The following ADAMTS6 variants were observed in gnomAD, a reference collection of about 807,000 sequenced individuals.
ADAMTS6 encodes A disintegrin and metalloproteinase with thrombospondin motifs 6.
Under a neutral mutation model 144.3 loss-of-function variants are expected in ADAMTS6, and 23 were observed. The observed-to-expected ratio is 0.16, with a 90% CI of 0.11 to 0.23. The LOEUF is 0.23. Among genes scored for constraint, ADAMTS6 ranks in the 10% least tolerant of loss-of-function variants. The pLI, the probability that ADAMTS6 is intolerant of heterozygous loss-of-function variation, is 1.00. For missense variants in ADAMTS6, 999 were observed against 1,379.6 expected, an observed-to-expected ratio of 0.72 and a Z score of 4.37; for synonymous variants, 444 against 457.5, an observed-to-expected ratio of 0.97 and a Z score of 0.38.
intron 20 of ADAMTS6, among the ~76,000 whole-genome samples, chr5:65,200,470 C>T (rs752517354): frequency 6.6e-6 from 1 of 151,882 alleles, no homozygotes; most frequent in Non-Finnish European, 1.5e-5. Context: ...GATTTTAAAC[C>T]CGGTTGGGAA....
intron 15 of ADAMTS6, among the ~76,000 whole-genome samples, chr5:65,236,551 T>G (rs1004723707): frequency 1.3e-5 from 2 of 152,182 alleles, no homozygotes; most frequent in Non-Finnish European, 2.9e-5. Flanking sequence ...CCTCCCAAAG[T>G]GCTGAGATTA....
intron 7 of ADAMTS6, among the ~76,000 whole-genome samples, chr5:65,406,083 C>T (rs962357282): frequency 1.3e-5 from 2 of 152,060 alleles, no homozygotes; most frequent in African/African-American, 2.4e-5. Context: ...ACAATCATGT[C>T]ATCTGCAAAA....
chr5:65,313,293 T>C (rs528273831), intron 9 of ADAMTS6, among the ~76,000 whole-genome samples: 76 of 152,232 alleles, frequency 5.0e-4, no homozygotes, highest in Non-Finnish European at 8.7e-4. Context: ...ATAATTTAAT[T>C]GTTAGACTTT....
chr5:65,316,962 G>A (rs531322273), intron 9 of ADAMTS6, among the ~76,000 whole-genome samples: 15 of 152,014 alleles, frequency 9.9e-5, no homozygotes, highest in Admixed American at 9.8e-4. Flanking sequence ...CCATCAAGCC[G>A]GCTAATTTTT....
chr5:65,155,114 C>T (rs968973708), intron 24 of ADAMTS6, among the ~76,000 whole-genome samples: 1 of 152,172 alleles, frequency 6.6e-6, no homozygotes, highest in Non-Finnish European at 1.5e-5. Flanking sequence ...ATCTATTCAC[C>T]AACCACGACT....
chr5:65,231,742 T>C (rs1758264849), intron 15 of ADAMTS6, among the ~76,000 whole-genome samples: 1 of 152,012 alleles, frequency 6.6e-6, no homozygotes. Context: ...TTCACAAATA[T>C]GTGGAAATTA....
chr5:65,182,327 T>C (rs1265537922), intron 22 of ADAMTS6, among the ~76,000 whole-genome samples: 1 of 151,374 alleles, frequency 6.6e-6, no homozygotes, highest in Non-Finnish European at 1.5e-5. Flanking sequence ...GGCACGTGCC[T>C]GTACTCCTAG....
rs542383173 is a variant in ADAMTS6, at chr5:65,452,111, A to G, written c.927+22T>C. ...TAGCCTTCTGTTAACAATCTTAGAT[A>G]TATAAACTAACTCATTCTTACCTGA... On this transcript the variant is annotated intron_variant, in intron 6 of 24. Transcript: ENST00000381055. 8.9e-5 allele frequency: 141 copies of G among 1,580,010 alleles called. 2 individuals carry two copies. In the South Asian group the frequency reaches 1.5e-3, roughly 17 times the overall value.
Position 65,334,027 on chromosome 5 carries a change from C to CAAA in ADAMTS6, c.1117+14_1117+15insTTT. The CAAA allele has an allele frequency of 1.0e-5, 5 of 500,712 alleles. No individual in the cohort carries two copies. Among genetic ancestry groups the CAAA allele is most frequent in the Non-Finnish European group, 1.3e-5 (5 of 371,894 alleles). 31.0% of individuals were successfully genotyped at this position (500,712 alleles called of 1,614,324 possible). On this transcript the variant is annotated intron_variant, in intron 8 of 24. Coordinates refer to ENST00000381055, the MANE Select transcript of ADAMTS6 (RefSeq NM_197941.4). ...AAAAAAAAAAAAAAAAAAAAAAAAACCAAAAAAAACTTACCCAGTGTTCCA... is the reference window on the plus strand; with the variant it reads ...AAAAAAAAAAAAAAAAAAAAAAAAACAAACAAAAAAAACTTACCCAGTGTTCCA...
intron 7 of ADAMTS6, among the ~76,000 whole-genome samples, chr5:65,348,437 T>C (rs1748551167): frequency 6.6e-6 from 1 of 152,062 alleles, no homozygotes; most frequent in African/African-American, 2.4e-5. Flanking sequence ...GTCTCATATA[T>C]GGGATCCAAA....
At chr5:65,477,041 T>C (rs975494198) in intron 1 of ADAMTS6, among the ~76,000 whole-genome samples, 1 of 152,214 alleles carries the variant, frequency 6.6e-6, no homozygotes, top group Non-Finnish European at 1.5e-5. Context: ...CTTTCTCAGG[T>C]AAAAATTTAT....
intron 7 of ADAMTS6, among the ~76,000 whole-genome samples, chr5:65,336,126 A>G (rs1017451574): frequency 1.3e-5 from 2 of 152,112 alleles, no homozygotes; most frequent in Admixed American, 1.3e-4. Flanking sequence ...TGTATAGTAG[A>G]GAAGGATTTT....
At position 65,226,203 on chromosome 5, in the gene ADAMTS6, A is replaced by G. The variant is rs765133677; in HGVS notation, c.1950T>C (p.Cys650=). 1.1e-5 allele frequency: 18 copies of G among 1,613,588 alleles called. No individual in the cohort carries two copies. Among genetic ancestry groups the G allele is most frequent in the Non-Finnish European group, 1.5e-5 (18 of 1,179,776 alleles). Residue 650 remains cysteine (C), a synonymous_variant, in exon 16 of 25, where the codon TGT becomes TGC. Transcript: ENST00000381055. ...KPYTGGGVKP[C]ALNCLAEGYN... ...AACCTTCAGCCAAGCAGTTTAATGC[A>G]CAAGGTTTTACCCCACCTGGACAAA...
At chr5:65,201,035 C>T (rs1755703417) in intron 20 of ADAMTS6, among the ~76,000 whole-genome samples, 1 of 152,152 alleles carries the variant, frequency 6.6e-6, no homozygotes, top group Non-Finnish European at 1.5e-5. Flanking sequence ...TTCTTTTATA[C>T]AATGGGAAGA....
At chr5:65,194,549 G>A (rs963526517) in intron 21 of ADAMTS6, among the ~76,000 whole-genome samples, 2 of 152,142 alleles carry the variant, frequency 1.3e-5, no homozygotes, top group Non-Finnish European at 2.9e-5. Flanking sequence ...AGGTTTATCA[G>A]GATGTAATCC....
At chr5:65,359,242 G>A (rs934443937) in intron 7 of ADAMTS6, among the ~76,000 whole-genome samples, 3 of 151,934 alleles carry the variant, frequency 2.0e-5, no homozygotes, top group African/African-American at 7.3e-5. Context: ...ACAAAAAGTG[G>A]GCAAATGATA....
intron 10 of ADAMTS6, among the ~76,000 whole-genome samples, chr5:65,294,968 G>C (rs1287874545): frequency 1.3e-5 from 2 of 152,076 alleles, no homozygotes; most frequent in African/African-American, 4.8e-5. Flanking sequence ...ACTGTGGGTA[G>C]TCTTTTGTAA....
chr5:65,232,686 G>A (rs1404631469), intron 15 of ADAMTS6, among the ~76,000 whole-genome samples: 3 of 149,008 alleles, frequency 2.0e-5, no homozygotes, highest in East Asian at 3.9e-4. Context: ...AAGAAGAGAG[G>A]TTGAAACAGT....
intron 7 of ADAMTS6, among the ~76,000 whole-genome samples, chr5:65,339,288 G>T (rs892611233): frequency 1.3e-5 from 2 of 152,084 alleles, no homozygotes; most frequent in Admixed American, 6.5e-5. Flanking sequence ...CAATACTACT[G>T]TGTCTATCTA....
Sources: allele counts gnomAD v4.1 joint callset (sites outside exome capture counted in the v4.1 genomes callset), GRCh38; gene constraint gnomAD v4.1.1; transcripts MANE v1.5; gene names NCBI Gene and HGNC (gene_info 2026-07-23, HGNC 2026-07-21).